ATG4B: variants seen among roughly 807,000 people sequenced by gnomAD.
The protein encoded by ATG4B is autophagy related 4B cysteine peptidase.
ATG4B carries 29 observed loss-of-function variants against 56.6 expected under a neutral mutation model. The observed-to-expected ratio is 0.51, with a 90% CI of 0.38 to 0.70. The LOEUF is 0.70. ATG4B is among the 30% of genes least tolerant of loss of function. The pLI, the probability that ATG4B is intolerant of heterozygous loss-of-function variation, is 0.00. For synonymous variants in ATG4B, 224 were observed against 206.1 expected, an observed-to-expected ratio of 1.09 and a Z score of -0.74; for missense variants, 461 against 515.5, an observed-to-expected ratio of 0.89 and a Z score of 1.02.
intron 1 of ATG4B, among the ~76,000 whole-genome samples, chr2:241,648,454 G>T (rs2068127835): frequency 6.6e-6 from 1 of 152,124 alleles, no homozygotes; most frequent in South Asian, 2.1e-4. Context: ...AATTAGCTGG[G>T]TGTGGTGGCA....
rs1321369749 is a variant in ATG4B, at chr2:241,670,793, G to T, written c.1014+11G>T. On this transcript the variant is annotated intron_variant, in intron 11 of 12. Transcript: ENST00000404914. ...CAGCAAGTCAAAAAGGTTTGTAGCC[G>T]CCCCACACCCACAGCCGAGCTGAGC... is the stretch of plus-strand genomic sequence containing the variant. 3 of 1,604,034 alleles carry T rather than the reference G, an allele frequency of 1.9e-6. No homozygotes were observed. The highest frequency in any genetic ancestry group is 2.7e-5 in the African/African-American group (2 of 74,744).
At chr2:241,671,805 C>T (rs371016485) in intron 12 of ATG4B, 57 of 1,273,384 alleles carry the variant, frequency 4.5e-5, no homozygotes, top group Middle Eastern at 3.2e-4. Context: ...CCGCAGGAGC[C>T]GGCCTGGGCT....
intron 3 of ATG4B, 32 bp from the exon 4 acceptor site, chr2:241,653,480 A>G: frequency 1.3e-6 from 2 of 1,557,278 alleles, no homozygotes; most frequent in Non-Finnish European, 1.7e-6. Flanking sequence ...CCATCTGGCC[A>G]TGAGCACTTC....
intron 3 of ATG4B, 66 bp from the exon 4 acceptor site, chr2:241,653,445 GC>G: frequency 6.4e-7 from 1 of 1,551,422 alleles, no homozygotes; most frequent in South Asian, 1.2e-5. Flanking sequence ...GCTGCCTCCT[GC>G]CAGTGGGCTT....
chr2:241,663,125 C>G lies in ATG4B; in HGVS notation c.539-3520C>G, dbSNP rs868300618. Among the ~76,000 whole-genome samples, 11 of 152,124 alleles carry G rather than the reference C, an allele frequency of 7.2e-5. No individual in the cohort carries two copies. The South Asian group carries it at 1.0e-3, about 14-fold the overall frequency. ...GCACGCCCTCGTAATCCCAGCTGCT[C>G]GGGAAGCTGAGGCACGAGAATTGCT... On this transcript the variant is annotated intron_variant, in intron 7 of 12. Coordinates refer to ENST00000404914, the MANE Select transcript of ATG4B (RefSeq NM_013325.5).
At chr2:241,666,952 G>A (rs1575088160) in intron 8 of ATG4B, 114 bp downstream of exon 8, 3 of 1,271,768 alleles carry the variant, frequency 2.4e-6, no homozygotes, top group South Asian at 1.4e-5. Flanking sequence ...TCTCGGGGGA[G>A]GGGTAAACAA....
rs144009852 is a variant in ATG4B, at chr2:241,640,036, G to A, written c.10+2312G>A. Among the ~76,000 whole-genome samples, 179 of 152,264 alleles carry A rather than the reference G, an allele frequency of 1.2e-3. 1 individual carries two copies. The highest frequency in any genetic ancestry group is 3.9e-3 in the African/African-American group (161 of 41,542). ...GTCTGCCTCCTGCCTCTATCATTTC[G>A]ATACCTTGAGGCTGGAGTATCATAT... is the stretch of plus-strand genomic sequence containing the variant. On this transcript the variant is annotated intron_variant, in intron 1 of 12. Coordinates refer to ENST00000404914, the MANE Select transcript of ATG4B (RefSeq NM_013325.5).
chr2:241,655,130 C>A, intron 5 of ATG4B, 141 bp from the exon 6 acceptor site: 1 of 753,428 alleles, frequency 1.3e-6, no homozygotes, highest in Non-Finnish European at 2.3e-6. Context: ...CTCCCCCGAT[C>A]TTGTTGGGGC....
Position 241,659,174 on chromosome 2 carries a change from G to A in ATG4B, c.525G>A (p.Val175=). Residue 175 remains valine, a synonymous_variant, in exon 7 of 13, where the codon GTG becomes GTA. Transcript: ENST00000404914. The part of the protein sequence containing the change: ...AVHIAMDNTV[V]MEEIRRLCRT... ...ACATTGCAATGGACAACACTGTTGT[G>A]ATGGAGGAAATCAGTAAGTGGCTCA... 2 of 1,613,734 alleles carry A rather than the reference G, an allele frequency of 1.2e-6. No homozygotes were observed. Among genetic ancestry groups the A allele is most frequent in the Non-Finnish European group, 8.5e-7 (1 of 1,179,654 alleles).
rs529600081 is a variant in ATG4B, at chr2:241,673,604, C to T, written c.*1340C>T. ...AAGACATAGTGTATTTCCTCGTATC[C>T]TTTCTCCCTTGGGTGTAGTTGGGGT... On this transcript the variant is annotated 3_prime_UTR_variant, in exon 13 of 13. Coordinates refer to ENST00000404914, the MANE Select transcript of ATG4B (RefSeq NM_013325.5). 2.2e-5 allele frequency: 10 copies of T among 455,850 alleles called. No homozygotes were observed. The highest frequency in any genetic ancestry group is 1.6e-4 in the South Asian group (10 of 64,506). The allele number at this position is 455,850 out of a possible 1,614,324, so 28.2% of individuals were successfully genotyped here.
chr2:241,672,149 C>T (rs968752000), intron 12 of ATG4B, 42 bp from the exon 13 acceptor site: 15 of 1,552,362 alleles, frequency 9.7e-6, no homozygotes, highest in Middle Eastern at 1.7e-4. Context: ...ACCCAGGTGG[C>T]CCACCCAAGA....
intron 8 of ATG4B, chr2:241,667,881 G>C: frequency 2.1e-6 from 1 of 465,950 alleles, no homozygotes; most frequent in African/African-American, 2.0e-5. Context: ...TCTCCTGCCA[G>C]GCCCCCTCAC....
chr2:241,640,466 T>C (rs1440890490), intron 1 of ATG4B, among the ~76,000 whole-genome samples: 3 of 152,262 alleles, frequency 2.0e-5, no homozygotes, highest in Non-Finnish European at 2.9e-5. Context: ...TCTGTTCTGA[T>C]AGTCATTAAT....
At chr2:241,644,398 A>G (rs1241211742) in intron 1 of ATG4B, among the ~76,000 whole-genome samples, 2 of 152,128 alleles carry the variant, frequency 1.3e-5, no homozygotes, top group Non-Finnish European at 2.9e-5. Flanking sequence ...CGATCTGCAG[A>G]TGTTAGTGAT....
In ATG4B at chr2:241,668,178, C is replaced by T. The variant is rs370522067; in HGVS notation, c.768C>T (p.Ile256=). The change falls in exon 9 of 13, where the codon ATC becomes ATT. Residue 256 remains isoleucine (I), a synonymous_variant. Coordinates refer to ENST00000404914, the MANE Select transcript of ATG4B (RefSeq NM_013325.5). This position sits in a 1 kb window ranked among gnomAD's most constrained non-coding sequence, Gnocchi z 4.2. ...CFMMPQSLGV[I]GGKPNSAHYF... ...TGATGCCCCAGTCCCTGGGCGTCAT[C>T]GGAGGGAAGCCCAACAGCGCCCACT... 6.5e-5 allele frequency: 104 copies of T among 1,606,966 alleles called. No individual in the cohort carries two copies. Among genetic ancestry groups the T allele is most frequent in the African/African-American group, 1.2e-4 (9 of 74,700 alleles).
At chr2:241,648,774 A>C (rs1233784010) in intron 1 of ATG4B, among the ~76,000 whole-genome samples, 1 of 152,178 alleles carries the variant, frequency 6.6e-6, no homozygotes, top group East Asian at 1.9e-4. Flanking sequence ...AGAATCCTTT[A>C]AACAGTGCCT....
At chr2:241,647,622 CAA>C (rs35875880) in intron 1 of ATG4B, among the ~76,000 whole-genome samples, 65,028 of 118,724 alleles carry the variant, frequency 0.55, 15,909 homozygotes, top group East Asian at 0.77. Context: ...GACTCCGTCT[CAA>C]AAAAAAAAAA....
intron 6 of ATG4B, among the ~76,000 whole-genome samples, chr2:241,656,090 C>T (rs1305772442): frequency 2.6e-5 from 4 of 152,048 alleles, no homozygotes; most frequent in Admixed American, 6.5e-5. Context: ...TCTTCAGCCA[C>T]GGCCCCCTTG....
intron 1 of ATG4B, among the ~76,000 whole-genome samples, chr2:241,638,703 A>G (rs1192463649): frequency 2.0e-5 from 3 of 152,222 alleles, no homozygotes; most frequent in African/African-American, 7.2e-5. Context: ...TATTGCCAAT[A>G]TCTATTAAAA....
Sources: gnomAD v4.1 joint callset for allele counts (sites outside exome capture counted in the v4.1 genomes callset) on GRCh38, gnomAD v4.1.1 for gene constraint, Gnocchi (gnomAD v3.1) non-coding constraint, MANE v1.5 for transcripts, NCBI Gene and HGNC (gene_info 2026-07-23, HGNC 2026-07-21) for gene names.